The following ADAMTS9 variants were observed in gnomAD, a reference collection of about 807,000 sequenced individuals.
ADAMTS9 encodes A disintegrin and metalloproteinase with thrombospondin motifs 9.
ADAMTS9 carries 107 observed loss-of-function variants against 257.1 expected under a neutral mutation model. The observed-to-expected ratio is 0.42, with a 90% CI of 0.36 to 0.49. The LOEUF is 0.49. Among genes scored for constraint, ADAMTS9 ranks in the 20% least tolerant of loss-of-function variants. The pLI is 0.03. For synonymous variants in ADAMTS9, 982 were observed against 880.9 expected, an observed-to-expected ratio of 1.11 and a Z score of -2.03; for missense variants, 2,353 against 2,469.1, an observed-to-expected ratio of 0.95 and a Z score of 1.00.
chr3:64,546,294 T>C lies in ADAMTS9; in HGVS notation c.5064+464A>G, dbSNP rs535762880. Among the ~76,000 whole-genome samples, 3 of 152,304 alleles carry C rather than the reference T, an allele frequency of 2.0e-5. No individual in the cohort carries two copies. The East Asian group carries it at 5.8e-4, about 29-fold the overall frequency. On this transcript the variant is annotated intron_variant, in intron 32 of 39. Coordinates refer to ENST00000498707, the MANE Select transcript of ADAMTS9 (RefSeq NM_182920.2). ...TGCAGTATTACTAGTTGGATATTCCTAATCTGAGCATCTGAAACTCAAGAT... is the reference window on the plus strand; with the variant it reads ...TGCAGTATTACTAGTTGGATATTCCCAATCTGAGCATCTGAAACTCAAGAT...
intron 3 of ADAMTS9, among the ~76,000 whole-genome samples, chr3:64,659,035 C>T (rs926917090): frequency 2.0e-5 from 3 of 152,112 alleles, no homozygotes; most frequent in African/African-American, 4.8e-5. Flanking sequence ...CAGGCCCGAG[C>T]TTAAGGGAAA....
intron 3 of ADAMTS9, among the ~76,000 whole-genome samples, chr3:64,663,772 T>C (rs1701281591): frequency 6.6e-6 from 1 of 152,110 alleles, no homozygotes; most frequent in Admixed American, 6.6e-5. Context: ...TTCTTCAGGA[T>C]CAAAAGCAAT....
intron 11 of ADAMTS9, among the ~76,000 whole-genome samples, chr3:64,646,732 GA>G (rs1360792631): frequency 6.6e-6 from 1 of 152,070 alleles, no homozygotes; most frequent in Non-Finnish European, 1.5e-5. Flanking sequence ...CTTTAACACT[GA>G]AAAAACCACT....
At chr3:64,524,866 T>C (rs1329312013) in intron 38 of ADAMTS9, among the ~76,000 whole-genome samples, 1 of 152,236 alleles carries the variant, frequency 6.6e-6, no homozygotes, top group Non-Finnish European at 1.5e-5. Context: ...TCTTCTGATA[T>C]GTCCCATACA....
intron 39 of ADAMTS9, 93 bp downstream of exon 39, chr3:64,522,073 G>A (rs1575973512): frequency 9.2e-7 from 1 of 1,082,860 alleles, no homozygotes; most frequent in East Asian, 2.5e-5. Flanking sequence ...ATGCTTAACT[G>A]TAACCCTGCC....
intron 38 of ADAMTS9, among the ~76,000 whole-genome samples, chr3:64,527,658 T>C (rs986565294): frequency 6.6e-6 from 1 of 151,334 alleles, no homozygotes; most frequent in African/African-American, 2.4e-5. Flanking sequence ...GCATATAGGG[T>C]TTTTTTTTCT....
chr3:64,562,001 T>C (rs2106650190), intron 29 of ADAMTS9, among the ~76,000 whole-genome samples: 1 of 152,322 alleles, frequency 6.6e-6, no homozygotes, highest in East Asian at 1.9e-4. Context: ...CAAGTTAATG[T>C]AATTCTTAGA....
chr3:64,561,530 G>A, intron 30 of ADAMTS9, 48 bp downstream of exon 30: 9 of 1,573,104 alleles, frequency 5.7e-6, no homozygotes, highest in Non-Finnish European at 7.8e-6. Context: ...ATAGCAAGGG[G>A]CGCACACGTG....
chr3:64,655,310 C>T (rs917793230), intron 6 of ADAMTS9, among the ~76,000 whole-genome samples: 1 of 152,150 alleles, frequency 6.6e-6, no homozygotes, highest in Non-Finnish European at 1.5e-5. Context: ...GTGATTCTGC[C>T]CTCCCCACGG....
At chr3:64,528,821 G>A (rs1205719939) in intron 38 of ADAMTS9, among the ~76,000 whole-genome samples, 1 of 152,084 alleles carries the variant, frequency 6.6e-6, no homozygotes, top group Non-Finnish European at 1.5e-5. Context: ...ATGAGAAAGG[G>A]GCCACTACAG....
In ADAMTS9 at chr3:64,521,019, A is replaced by C. The variant is rs773927427; in HGVS notation, c.*5+1147T>G. On this transcript the variant is annotated intron_variant, in intron 39 of 39. Coordinates refer to ENST00000498707, the MANE Select transcript of ADAMTS9 (RefSeq NM_182920.2). ...ACAGAATAAATGGACAATCTACAGA[A>C]TAGGAGAAAACATTTTTAACCTATA... Among the ~76,000 whole-genome samples, 6 of 152,300 alleles carry C rather than the reference A, an allele frequency of 3.9e-5. No homozygotes were observed. The South Asian group carries it at 1.2e-3, about 32-fold the overall frequency.
intron 16 of ADAMTS9, among the ~76,000 whole-genome samples, chr3:64,629,103 C>T (rs1376214812): frequency 2.0e-5 from 3 of 152,146 alleles, no homozygotes; most frequent in African/African-American, 7.2e-5. Context: ...TTGGTTCCAA[C>T]TTCAAAAGAT....
At chr3:64,517,822 G>A (rs529701950) in intron 39 of ADAMTS9, among the ~76,000 whole-genome samples, 1 of 152,054 alleles carries the variant, frequency 6.6e-6, no homozygotes, top group South Asian at 2.1e-4. Flanking sequence ...GTGATCTCTA[G>A]TGGATACCTG....
At chr3:64,682,521 T>A (rs1333753718) in intron 2 of ADAMTS9, among the ~76,000 whole-genome samples, 1 of 152,096 alleles carries the variant, frequency 6.6e-6, no homozygotes, top group Non-Finnish European at 1.5e-5. Flanking sequence ...ACTGAAAAAT[T>A]CCCCATGCCA....
chr3:64,631,016 T>C (rs11917826), intron 16 of ADAMTS9, among the ~76,000 whole-genome samples: 2,688 of 152,210 alleles, frequency 0.018, 92 homozygotes, highest in African/African-American at 0.059. Context: ...CATAATGAAA[T>C]ACTGAATAAG....
At chr3:64,584,069 A>C (rs1182403283) in intron 28 of ADAMTS9, 1 of 152,338 alleles carries the variant, frequency 6.6e-6, no homozygotes, top group East Asian at 1.9e-4. Context: ...TAATGATTTC[A>C]CCAAGAAAGG....
chr3:64,519,402 A>G (rs149113455), intron 39 of ADAMTS9, among the ~76,000 whole-genome samples: 322 of 151,942 alleles, frequency 2.1e-3, no homozygotes, highest in African/African-American at 7.6e-3. Context: ...TATTGAAACA[A>G]TTTTTTCAAA....
At chr3:64,586,232 A>G (rs1422267744) in intron 28 of ADAMTS9, among the ~76,000 whole-genome samples, 1 of 152,106 alleles carries the variant, frequency 6.6e-6, no homozygotes, top group East Asian at 1.9e-4. Context: ...TGAATTGTTT[A>G]GCATAATTCT....
At chr3:64,601,923 C>T in intron 26 of ADAMTS9, 21 bp downstream of exon 26, 1 of 1,562,294 alleles carries the variant, frequency 6.4e-7, no homozygotes, top group African/African-American at 1.4e-5. Context: ...GAGAAGCAAG[C>T]AAACTTCAGG....
Sources: allele counts gnomAD v4.1 joint callset (sites outside exome capture counted in the v4.1 genomes callset), GRCh38; gene constraint gnomAD v4.1.1; transcripts MANE v1.5; gene names NCBI Gene and HGNC (gene_info 2026-07-23, HGNC 2026-07-21).